Variants in JPH3 observed in about 807,000 individuals in gnomAD.
JPH3 encodes junctophilin 3.
In JPH3, 11 loss-of-function variants were observed where a neutral mutation model predicts 59.6. That is an observed-to-expected ratio of 0.18 (90% CI 0.12 to 0.31). The LOEUF (loss-of-function observed/expected upper bound fraction) is 0.31, where lower values mean the gene tolerates loss of function less well. Among genes scored for constraint, JPH3 ranks in the 10% least tolerant of loss-of-function variants. JPH3 has a pLI of 1.00. For synonymous variants in JPH3, 673 were observed against 483.6 expected (o/e 1.39, Z -5.14); for missense variants, 1,202 against 1,105.7 (o/e 1.09, Z -1.24).
chr16:87,696,275 G>A, intron 4 of JPH3: 1 of 494,786 alleles, frequency 2.0e-6, no homozygotes, highest in South Asian at 2.0e-5. Flanking sequence ...GGCCTGGGTG[G>A]TTCTCTCCAA....
At chr16:87,682,679 G>T (rs2033324053) in intron 2 of JPH3, among the ~76,000 whole-genome samples, 1 of 152,208 alleles carries the variant, frequency 6.6e-6, no homozygotes, top group African/African-American at 2.4e-5. Context: ...CGCCCAAGCT[G>T]CGGTGCTTTG....
At chr16:87,687,337 C>G (rs1236692327) in intron 3 of JPH3, among the ~76,000 whole-genome samples, 1 of 152,214 alleles carries the variant, frequency 6.6e-6, no homozygotes, top group African/African-American at 2.4e-5. Context: ...AAACGAGGCT[C>G]TGAAGCCTGG....
intron 4 of JPH3, 127 bp downstream of exon 4, chr16:87,690,653 G>A: frequency 1.9e-6 from 2 of 1,066,458 alleles, no homozygotes; most frequent in Non-Finnish European, 1.2e-6. Context: ...GGAGTAGGGT[G>A]GGGGTACAGC....
intron 1 of JPH3, among the ~76,000 whole-genome samples, chr16:87,612,934 G>A (rs891144742): frequency 1.3e-5 from 2 of 151,758 alleles, no homozygotes; most frequent in Non-Finnish European, 1.5e-5. Context: ...GCTGAGGCAG[G>A]AGAATGGCAT....
intron 1 of JPH3, among the ~76,000 whole-genome samples, chr16:87,639,162 GA>G (rs2031856341): frequency 5.3e-5 from 8 of 152,176 alleles, no homozygotes; most frequent in Non-Finnish European, 1.2e-4. Flanking sequence ...GAGCATTAGC[GA>G]CTTTCCAGCA....
chr16:87,644,187 C>A, intron 1 of JPH3, 71 bp from the exon 2 acceptor site: 1 of 1,480,324 alleles, frequency 6.8e-7, no homozygotes. Flanking sequence ...GCTGCTTCAA[C>A]CCTGTCCGTG....
In JPH3 at chr16:87,697,908, C is replaced by G. The variant is rs981041819; in HGVS notation, c.*1248C>G. 1.3e-5 allele frequency: 2 copies of G among 152,486 alleles called. No homozygotes were observed. The highest frequency in any genetic ancestry group is 2.4e-5 in the African/African-American group (1 of 41,452). The allele number at this position is 152,486 out of a possible 1,614,324, so 9.4% of individuals were successfully genotyped here. On this transcript the variant is annotated 3_prime_UTR_variant, in exon 5 of 5. Coordinates refer to ENST00000284262, the MANE Select transcript of JPH3 (RefSeq NM_020655.4). ...GTCCGAGTGCCCCCTGGCCCTGGCT[C>G]TCGTGTGCATGGACGTGCCTGAGGG...
At chr16:87,652,437 C>T (rs1317199739) in intron 2 of JPH3, among the ~76,000 whole-genome samples, 2 of 152,252 alleles carry the variant, frequency 1.3e-5, no homozygotes, top group East Asian at 3.8e-4. Flanking sequence ...CTATAGCACG[C>T]TTAATAGACT....
chr16:87,635,153 C>T (rs113219908), intron 1 of JPH3, among the ~76,000 whole-genome samples: 2,434 of 152,210 alleles, frequency 0.016, 63 homozygotes, highest in African/African-American at 0.055. Context: ...GCCATGAGCT[C>T]AGGTCTTTAG....
intron 1 of JPH3, among the ~76,000 whole-genome samples, chr16:87,636,237 GT>G (rs1244993414): frequency 2.6e-5 from 4 of 152,226 alleles, no homozygotes; most frequent in African/African-American, 9.6e-5. Context: ...GTGCCCTGGG[GT>G]GGGGTGGGGG....
At chr16:87,642,576 A>C (rs939895180) in intron 1 of JPH3, among the ~76,000 whole-genome samples, 10 of 152,260 alleles carry the variant, frequency 6.6e-5, no homozygotes, top group African/African-American at 2.4e-4. Flanking sequence ...AGCCTGTGCC[A>C]CCGTGAGTTG....
chr16:87,641,638 C>G (rs1236487717), intron 1 of JPH3, among the ~76,000 whole-genome samples: 4 of 152,376 alleles, frequency 2.6e-5, no homozygotes, highest in Admixed American at 2.0e-4. Context: ...CCTGGAGAAG[C>G]TGCCCTCAGA....
At chr16:87,608,867 G>A (rs192267378) in intron 1 of JPH3, among the ~76,000 whole-genome samples, 2 of 152,214 alleles carry the variant, frequency 1.3e-5, no homozygotes, top group Admixed American at 6.5e-5. Flanking sequence ...TGAGACCCCC[G>A]TCTCTACAAA....
intron 1 of JPH3, among the ~76,000 whole-genome samples, chr16:87,608,989 A>C (rs1054279299): frequency 3.3e-5 from 5 of 152,212 alleles, no homozygotes; most frequent in Admixed American, 1.3e-4. Flanking sequence ...GTGAGCCAAG[A>C]TGGTGCCACT....
At chr16:87,674,349 A>C (rs896120488) in intron 2 of JPH3, among the ~76,000 whole-genome samples, 1 of 151,954 alleles carries the variant, frequency 6.6e-6, no homozygotes, top group Non-Finnish European at 1.5e-5. Flanking sequence ...AAACAAAAAC[A>C]AAAAAAAGCA....
chr16:87,676,739 A>C (rs1341408481), intron 2 of JPH3, among the ~76,000 whole-genome samples: 1 of 151,472 alleles, frequency 6.6e-6, no homozygotes, highest in Non-Finnish European at 1.5e-5. Flanking sequence ...ATCTCAAAAA[A>C]AAAATTGTTA....
At chr16:87,680,829 C>T (rs1358514167) in intron 2 of JPH3, among the ~76,000 whole-genome samples, 11 of 152,210 alleles carry the variant, frequency 7.2e-5, no homozygotes, top group Admixed American at 6.5e-4. Flanking sequence ...GGCACCACGT[C>T]GTCTTTTTAT....
chr16:87,687,566 C>A (rs1053895150), intron 3 of JPH3, among the ~76,000 whole-genome samples: 2 of 152,236 alleles, frequency 1.3e-5, no homozygotes, highest in African/African-American at 4.8e-5. Flanking sequence ...CCATCCGCCC[C>A]CGCCCCAGAG....
intron 2 of JPH3, among the ~76,000 whole-genome samples, chr16:87,676,457 G>A (rs1455264125): frequency 2.6e-5 from 4 of 152,162 alleles, no homozygotes; most frequent in Admixed American, 1.3e-4. Flanking sequence ...TATTTTAGCC[G>A]GGGTGCAGTG....
Sources: allele counts gnomAD v4.1 joint callset (sites outside exome capture counted in the v4.1 genomes callset), GRCh38; gene constraint gnomAD v4.1.1; transcripts MANE v1.5; gene names NCBI Gene and HGNC (gene_info 2026-07-23, HGNC 2026-07-21).